PITPNC1: variants seen among roughly 807,000 people sequenced by gnomAD.
The protein encoded by PITPNC1 is phosphatidylinositol transfer protein cytoplasmic 1.
Under a neutral mutation model 44.7 loss-of-function variants are expected in PITPNC1, and 18 were observed. The ratio of observed to expected loss-of-function variants is 0.40; its 90% CI spans 0.28 to 0.60. The LOEUF (loss-of-function observed/expected upper bound fraction) is 0.60. Among genes scored for constraint, PITPNC1 ranks in the 20% least tolerant of loss-of-function variants. PITPNC1 has a pLI of 0.39. For missense variants in PITPNC1, 290 were observed against 418.4 expected, an observed-to-expected ratio of 0.69 and a Z score of 2.68; for synonymous variants, 141 against 149.6, an observed-to-expected ratio of 0.94 and a Z score of 0.42.
At chr17:67,669,203 T>A (rs1376369661) in intron 6 of PITPNC1, among the ~76,000 whole-genome samples, 1 of 152,054 alleles carries the variant, frequency 6.6e-6, no homozygotes, top group African/African-American at 2.4e-5. Flanking sequence ...GCCTCTCGGG[T>A]TCAAGCAATT....
Position 67,434,684 on chromosome 17 carries a change from A to C in PITPNC1, c.48+56482A>C, listed in dbSNP as rs1220673672. Reference sequence around the variant, plus strand: ...AAAAATTTGCCAGGTGTGGTGGTGCATGCCTGTGATCCCAGCTACTCAGGA... The same window carrying C: ...AAAAATTTGCCAGGTGTGGTGGTGCCTGCCTGTGATCCCAGCTACTCAGGA... On this transcript the variant is annotated intron_variant, in intron 1 of 8. Coordinates refer to ENST00000581322, the MANE Select transcript of PITPNC1 (RefSeq NM_012417.4). Among the ~76,000 whole-genome samples the C allele has an allele frequency of 4.0e-5, 6 of 151,580 alleles. No homozygotes were observed. In the East Asian group the frequency reaches 5.8e-4, roughly 15 times the overall value.
chr17:67,618,226 G>A (rs927718893), intron 5 of PITPNC1, among the ~76,000 whole-genome samples: 4 of 151,928 alleles, frequency 2.6e-5, no homozygotes, highest in South Asian at 2.1e-4. Context: ...TTAGCTGGGC[G>A]TGATGGTGCA....
At chr17:67,449,237 G>A (rs1005680378) in intron 1 of PITPNC1, among the ~76,000 whole-genome samples, 5 of 152,178 alleles carry the variant, frequency 3.3e-5, no homozygotes, top group African/African-American at 1.2e-4. Context: ...ACAGCAAAGT[G>A]CCTTATCTTG....
intron 6 of PITPNC1, among the ~76,000 whole-genome samples, chr17:67,641,418 A>G (rs1401122315): frequency 6.6e-6 from 1 of 152,208 alleles, no homozygotes; most frequent in Non-Finnish European, 1.5e-5. Context: ...CCATCTCGCA[A>G]CATGCATTAT....
At chr17:67,617,795 T>A (rs910482089) in intron 5 of PITPNC1, among the ~76,000 whole-genome samples, 1 of 152,110 alleles carries the variant, frequency 6.6e-6, no homozygotes, top group Non-Finnish European at 1.5e-5. Flanking sequence ...CTTAATCGTA[T>A]CTGTGTCCTC....
chr17:67,428,552 A>T (rs77991668), intron 1 of PITPNC1, among the ~76,000 whole-genome samples: 1 of 150,326 alleles, frequency 6.7e-6, no homozygotes, highest in Non-Finnish European at 1.5e-5. Context: ...AAAAAAAAAA[A>T]GAAAGAAAGA....
intron 5 of PITPNC1, among the ~76,000 whole-genome samples, chr17:67,620,196 G>A (rs900189949): frequency 1.3e-5 from 2 of 152,078 alleles, no homozygotes; most frequent in African/African-American, 2.4e-5. Flanking sequence ...TGGGATCATA[G>A]ATGCTTGCCA....
intron 1 of PITPNC1, among the ~76,000 whole-genome samples, chr17:67,480,662 A>G (rs912541515): frequency 2.0e-5 from 3 of 152,148 alleles, no homozygotes; most frequent in African/African-American, 7.2e-5. Context: ...TTGTAGGCAT[A>G]GGGAAAAGTC....
intron 1 of PITPNC1, among the ~76,000 whole-genome samples, chr17:67,494,209 C>CTTTCTTTCTTTCTTTCTTTCTTTCT (rs1568012961): frequency 6.8e-6 from 1 of 146,880 alleles, no homozygotes; most frequent in African/African-American, 2.6e-5. Context: ...TTCTTTCTTT[C>CTTTCTTTCTTTCTTTCTTTCTTTCT]TTTCTTTTTG....
intron 1 of PITPNC1, among the ~76,000 whole-genome samples, chr17:67,471,980 G>A (rs2039543665): frequency 6.6e-6 from 1 of 151,808 alleles, no homozygotes; most frequent in Non-Finnish European, 1.5e-5. Flanking sequence ...TATGAAGTGG[G>A]CTGGTCAAGT....
intron 1 of PITPNC1, among the ~76,000 whole-genome samples, chr17:67,428,839 C>CTTTTTTTTTT (rs369624053): frequency 2.7e-5 from 3 of 113,166 alleles, no homozygotes; most frequent in Non-Finnish European, 3.5e-5. Context: ...ACTTGTCTTG[C>CTTTTTTTTTT]TTTTTTTTTT....
chr17:67,594,580 G>A (rs1443576697), intron 5 of PITPNC1, among the ~76,000 whole-genome samples: 2 of 152,142 alleles, frequency 1.3e-5, no homozygotes, highest in African/African-American at 4.8e-5. Flanking sequence ...TTGGAGGTTG[G>A]GGATTCTGGT....
At chr17:67,417,385 C>T (rs1460107754) in intron 1 of PITPNC1, among the ~76,000 whole-genome samples, 1 of 152,146 alleles carries the variant, frequency 6.6e-6, no homozygotes, top group Non-Finnish European at 1.5e-5. Flanking sequence ...CTGCCTCGGC[C>T]TCCCAAAGTG....
At chr17:67,389,900 C>T (rs1208058866) in intron 1 of PITPNC1, among the ~76,000 whole-genome samples, 1 of 152,046 alleles carries the variant, frequency 6.6e-6, no homozygotes, top group African/African-American at 2.4e-5. Context: ...AGGATGGTCT[C>T]GAACTCCTGA....
chr17:67,681,085 C>T (rs1477608261), intron 8 of PITPNC1, among the ~76,000 whole-genome samples: 2 of 152,210 alleles, frequency 1.3e-5, no homozygotes, highest in East Asian at 1.9e-4. Flanking sequence ...TTCACGCTTG[C>T]AGATGCTTTG....
intron 1 of PITPNC1, among the ~76,000 whole-genome samples, chr17:67,385,636 T>A (rs925798384): frequency 6.6e-6 from 1 of 152,164 alleles, no homozygotes; most frequent in African/African-American, 2.4e-5. Flanking sequence ...GGTCCGCGGC[T>A]TCATTCTTGA....
At chr17:67,422,758 C>T (rs1196156928) in intron 1 of PITPNC1, among the ~76,000 whole-genome samples, 5 of 152,038 alleles carry the variant, frequency 3.3e-5, no homozygotes, top group South Asian at 2.1e-4. Context: ...AGGCTGGTCT[C>T]GAACTCCTGA....
At chr17:67,451,669 C>T (rs1331392113) in intron 1 of PITPNC1, among the ~76,000 whole-genome samples, 2 of 149,858 alleles carry the variant, frequency 1.3e-5, no homozygotes, top group Admixed American at 6.6e-5. Context: ...GACAGAGTCT[C>T]GCTCTGTCGC....
chr17:67,589,514 G>T (rs1247827342), intron 5 of PITPNC1, among the ~76,000 whole-genome samples: 2 of 151,518 alleles, frequency 1.3e-5, no homozygotes, highest in Admixed American at 6.6e-5. Flanking sequence ...GCTGAATCAT[G>T]TTGGGAAACT....
Sources: gnomAD v4.1 joint callset for allele counts (sites outside exome capture counted in the v4.1 genomes callset) on GRCh38, gnomAD v4.1.1 for gene constraint, MANE v1.5 for transcripts, NCBI Gene and HGNC (gene_info 2026-07-23, HGNC 2026-07-21) for gene names.